Variants in C6orf132 observed in about 807,000 individuals in gnomAD.
The protein encoded by C6orf132 is chromosome 6 open reading frame 132.
In C6orf132, 43 loss-of-function variants were observed where a neutral mutation model predicts 65.3. That is an observed-to-expected ratio of 0.66 (90% confidence interval 0.52 to 0.85). The LOEUF is 0.85. Among genes scored for constraint, C6orf132 ranks in the 40% least tolerant of loss-of-function variants. The pLI is 0.00. For missense variants in C6orf132, 1,488 were observed against 1,548.8 expected, an observed-to-expected ratio of 0.96 and a Z score of 0.66; for synonymous variants, 631 against 654.1, an observed-to-expected ratio of 0.96 and a Z score of 0.54.
chr6:42,104,445 G>A lies in C6orf132; in HGVS notation c.3449+18C>T. 1 of 1,230,436 alleles carries A rather than the reference G, an allele frequency of 8.1e-7. No individual in the cohort carries two copies. Among genetic ancestry groups the A allele is most frequent in the Non-Finnish European group, 1.0e-6 (1 of 987,242 alleles). The allele number at this position is 1,230,436 out of a possible 1,614,324, so 76.2% of individuals were successfully genotyped here. ...CCACCCCTCCTGGCTTCCCGCACCA[G>A]CCGGGCCCGCAGCTCACCTGCCGGC... On this transcript the variant is annotated intron_variant, in intron 4 of 4. Coordinates refer to ENST00000341865, the MANE Select transcript of C6orf132 (RefSeq NM_001164446.3). This position sits in a 1 kb window ranked among gnomAD's most constrained non-coding sequence, Gnocchi z 4.1.
At chr6:42,135,998 A>G (rs73735048) in intron 1 of C6orf132, among the ~76,000 whole-genome samples, 2,267 of 152,264 alleles carry the variant, frequency 0.015, 50 homozygotes, top group African/African-American at 0.049. Context: ...TTTTTCCTGA[A>G]TGAGACTTGA....
chr6:42,129,876 C>T (rs1766825261), intron 1 of C6orf132, among the ~76,000 whole-genome samples: 2 of 152,232 alleles, frequency 1.3e-5, no homozygotes, highest in South Asian at 4.1e-4. Context: ...TTGAGCTAAT[C>T]ATGATTACTT....
intron 2 of C6orf132, among the ~76,000 whole-genome samples, chr6:42,111,334 G>A (rs1329751575): frequency 6.8e-6 from 1 of 147,424 alleles, no homozygotes; most frequent in Non-Finnish European, 1.5e-5. Flanking sequence ...AGGCTGGAGT[G>A]TAATGGCATG....
chr6:42,121,390 A>T (rs1027537288), intron 2 of C6orf132, among the ~76,000 whole-genome samples: 2 of 152,238 alleles, frequency 1.3e-5, no homozygotes, highest in Non-Finnish European at 2.9e-5. Context: ...GGAAGAAGGC[A>T]GGGAAGAAAA....
Position 42,124,786 on chromosome 6 carries a change from C to T in C6orf132, c.252+3886G>A, listed in dbSNP as rs141589288. Among the ~76,000 whole-genome samples, 51 of 152,328 alleles carry T rather than the reference C, an allele frequency of 3.3e-4. No individual in the cohort carries two copies. Among genetic ancestry groups the T allele is most frequent in the Non-Finnish European group, 6.2e-4 (42 of 68,018 alleles). On this transcript the variant is annotated intron_variant, in intron 2 of 4. Transcript: ENST00000341865. The surrounding 1 kb of genome is among the most constrained non-coding windows in gnomAD (Gnocchi z 4.0). Reference sequence around the variant, plus strand: ...TGCTGAAAGAAAGCAAAGGACCTGGCTAGGGCCTACAGGAGAGGAGTCAGA... The same window carrying T: ...TGCTGAAAGAAAGCAAAGGACCTGGTTAGGGCCTACAGGAGAGGAGTCAGA...
chr6:42,130,449 T>C (rs9471779), intron 1 of C6orf132, among the ~76,000 whole-genome samples: 29,349 of 152,078 alleles, frequency 0.19, 2,936 homozygotes, highest in Middle Eastern at 0.23. Flanking sequence ...CTGGGGCATT[T>C]TCTAGAGAGT....
chr6:42,136,411 C>T (rs12215166), intron 1 of C6orf132, among the ~76,000 whole-genome samples: 9,681 of 152,226 alleles, frequency 0.064, 376 homozygotes, highest in Middle Eastern at 0.11. Flanking sequence ...TCAGGAGCAC[C>T]GGCTACAGAT....
intron 1 of C6orf132, among the ~76,000 whole-genome samples, chr6:42,134,107 C>T (rs1018937712): frequency 1.3e-5 from 2 of 152,058 alleles, no homozygotes; most frequent in African/African-American, 2.4e-5. Context: ...CTGCCCTGGC[C>T]GGAAACACCC....
At position 42,105,281 on chromosome 6, in the gene C6orf132, G is replaced by C; in HGVS notation, c.2631C>G (p.Ala877=). The change falls in exon 4 of 5, where the codon GCC becomes GCG. Residue 877 remains alanine, a synonymous_variant. Coordinates refer to ENST00000341865, the MANE Select transcript of C6orf132 (RefSeq NM_001164446.3). ...GGCTGTGGAAGATGCTGTCAGAGCTGGCCTCGGCTTGGTGGCTGTGGTCAC... is the reference window on the plus strand; with the variant it reads ...GGCTGTGGAAGATGCTGTCAGAGCTCGCCTCGGCTTGGTGGCTGTGGTCAC... The part of the protein sequence containing the change: ...SLRDHSHQAE[A]SSDSIFHSQG... 6.5e-7 allele frequency: 1 copy of C among 1,537,204 alleles called. No homozygotes were observed. Among genetic ancestry groups the C allele is most frequent in the Non-Finnish European group, 8.7e-7 (1 of 1,146,906 alleles).
chr6:42,103,817 T>C lies in C6orf132; in HGVS notation c.3511A>G (p.Thr1171Ala). The change falls in exon 5 of 5, where the codon ACC becomes GCC. Residue 1171 changes from threonine to alanine, a missense_variant. Transcript: ENST00000341865. ...CAGACATAGGAGATGGGATGGCGGG[T>C]CCCAGGCCTCACGGTGAACGTGTTG... ...PINTFTVRPG[T>A]RHPISYVCSG... 1 of 1,491,694 alleles carries C rather than the reference T, an allele frequency of 6.7e-7. No homozygotes were observed. The highest frequency in any genetic ancestry group is 8.9e-7 in the Non-Finnish European group (1 of 1,123,264). The allele number at this position is 1,491,694 out of a possible 1,614,324, so 92.4% of individuals were successfully genotyped here.
At position 42,128,661 on chromosome 6, in the gene C6orf132, A is replaced by T. The variant is rs1766804592; in HGVS notation, c.252+11T>A. On this transcript the variant is annotated intron_variant, in intron 2 of 4. Coordinates refer to ENST00000341865, the MANE Select transcript of C6orf132 (RefSeq NM_001164446.3). The stretch of plus-strand genomic sequence containing the variant: ...GCAGACTCTCCAACCTCAGAGCAGA[A>T]CCGTACTCACCAGCGGAAGGAAGGT... 3 of 1,548,708 alleles carry T rather than the reference A, an allele frequency of 1.9e-6. No individual in the cohort carries two copies. In the African/African-American group the frequency reaches 4.1e-5, roughly 21 times the overall value.
At position 42,105,321 on chromosome 6, in the gene C6orf132, A is replaced by G; in HGVS notation, c.2591T>C (p.Leu864Pro). 1.3e-6 allele frequency: 2 copies of G among 1,536,962 alleles called. No individual in the cohort carries two copies. Among genetic ancestry groups the G allele is most frequent in the Non-Finnish European group, 1.7e-6 (2 of 1,146,876 alleles). ...SVGAALGRSS[L>P]PGSLRDHSHQ... Reference sequence around the variant, plus strand: ...GCTGTGGTCACGGAGACTTCCTGGCAGAGAGGACCGACCCAGGGCAGCCCC... The same window carrying G: ...GCTGTGGTCACGGAGACTTCCTGGCGGAGAGGACCGACCCAGGGCAGCCCC... Residue 864 changes from leucine (L) to proline (P), a missense_variant, in exon 4 of 5, where the codon CTG becomes CCG. By Grantham distance (98) the Leu-to-Pro change is moderately conservative. Transcript: ENST00000341865.
At position 42,103,162 on chromosome 6, in the gene C6orf132, A is replaced by G; in HGVS notation, c.*599T>C. On this transcript the variant is annotated 3_prime_UTR_variant, in exon 5 of 5. Transcript: ENST00000341865. ...GGGAGCTTCACTCCCCACCCCACAC[A>G]TGGTCCTTCTCCACATGTTATACAT... The G allele has an allele frequency of 2.5e-6, 1 of 398,538 alleles. No individual in the cohort carries two copies. Among genetic ancestry groups the G allele is most frequent in the Admixed American group, 4.4e-5 (1 of 22,728 alleles). The allele number at this position is 398,538 out of a possible 1,614,324, so 24.7% of individuals were successfully genotyped here. A position where few individuals can be genotyped will look rare whatever the true frequency, so the allele number is the denominator to read the frequency against.
Position 42,105,919 on chromosome 6 carries a change from C to A in C6orf132, c.1993G>T (p.Ala665Ser). 1 of 1,537,026 alleles carries A rather than the reference C, an allele frequency of 6.5e-7. No individual in the cohort carries two copies. Among genetic ancestry groups the A allele is most frequent in the South Asian group, 1.2e-5 (1 of 83,976 alleles). ...ATLWPATPPK[A>S]TLGPATPLKA... ...AGTGGTGTGGCTGGCCCAAGTGTGG[C>A]CTTGGGTGGTGTGGCTGGCCAAAGT... The change falls in exon 4 of 5, where the codon GCC (alanine) becomes TCC (serine). Residue 665 changes from alanine (A) to serine (S), a missense_variant. By Grantham distance (99) the Ala-to-Ser change is moderately conservative. Transcript: ENST00000341865.
intron 1 of C6orf132, among the ~76,000 whole-genome samples, chr6:42,137,908 C>T (rs1766972174): frequency 6.6e-6 from 1 of 152,124 alleles, no homozygotes; most frequent in East Asian, 1.9e-4. Flanking sequence ...AACCCCGTCT[C>T]TACTAAAAAT....
At chr6:42,126,224 G>T (rs899452764) in intron 2 of C6orf132, among the ~76,000 whole-genome samples, 5 of 151,824 alleles carry the variant, frequency 3.3e-5, no homozygotes, top group Non-Finnish European at 7.4e-5. Flanking sequence ...GGGATTACAG[G>T]TGTGTGCCAC....
intron 2 of C6orf132, among the ~76,000 whole-genome samples, chr6:42,119,066 C>CAAAA (rs1160587167): frequency 3.7e-5 from 2 of 54,780 alleles, no homozygotes; most frequent in African/African-American, 7.4e-5. Context: ...CCTGTCTCTA[C>CAAAA]AAAAAAAAAA....
chr6:42,109,051 A>G (rs919359955), intron 3 of C6orf132, among the ~76,000 whole-genome samples: 1 of 152,234 alleles, frequency 6.6e-6, no homozygotes, highest in Non-Finnish European at 1.5e-5. Flanking sequence ...GACAATGAAC[A>G]TAATGTGTGA....
At chr6:42,113,337 G>A (rs1766519398) in intron 2 of C6orf132, among the ~76,000 whole-genome samples, 1 of 152,206 alleles carries the variant, frequency 6.6e-6, no homozygotes, top group Non-Finnish European at 1.5e-5. Flanking sequence ...AGCCTTGGAT[G>A]AGCAGTGGAG....
Sources: gnomAD v4.1 joint callset for allele counts (sites outside exome capture counted in the v4.1 genomes callset) on GRCh38, gnomAD v4.1.1 for gene constraint, Gnocchi (gnomAD v3.1) non-coding constraint, MANE v1.5 for transcripts, NCBI Gene and HGNC (gene_info 2026-07-23, HGNC 2026-07-21) for gene names.